RASA2: variants seen among roughly 807,000 people sequenced by gnomAD.
RASA2 encodes the protein ras GTPase-activating protein 2.
In RASA2, 155 loss-of-function variants were observed where a neutral mutation model predicts 118.2. That is an observed-to-expected ratio of 1.31 (90% CI 1.15 to 1.50). The LOEUF is 1.50. Ranked by LOEUF, RASA2 falls within the 40% of genes most tolerant of loss-of-function variation. RASA2 has a pLI of 0.00. For synonymous variants in RASA2, 353 were observed against 349.1 expected (o/e 1.01, Z -0.12); for missense variants, 1,016 against 1,009.6 (o/e 1.01, Z -0.09).
chr3:141,570,468 C>T (rs1305724308), intron 9 of RASA2, among the ~76,000 whole-genome samples: 1 of 152,122 alleles, frequency 6.6e-6, no homozygotes, highest in Non-Finnish European at 1.5e-5. Context: ...GATCTGCCTG[C>T]GTCAGCCTCC....
chr3:141,574,948 A>G (rs1019363841), intron 14 of RASA2, among the ~76,000 whole-genome samples: 1 of 152,224 alleles, frequency 6.6e-6, no homozygotes, highest in South Asian at 2.1e-4. Context: ...TTGAAAAAGT[A>G]GCTATGTCAA....
chr3:141,495,407 TAAAAAC>T (rs1404110758), intron 1 of RASA2, among the ~76,000 whole-genome samples: 1 of 152,042 alleles, frequency 6.6e-6, no homozygotes, highest in Non-Finnish European at 1.5e-5. Flanking sequence ...CATACAGACT[TAAAAAC>T]AAGAGGCCAT....
intron 1 of RASA2, among the ~76,000 whole-genome samples, chr3:141,494,265 T>A (rs1036380236): frequency 3.3e-5 from 5 of 152,284 alleles, no homozygotes; most frequent in Admixed American, 1.3e-4. Flanking sequence ...TATAGCAATT[T>A]AAGCTCTCAC....
At chr3:141,515,881 A>T (rs2082015871) in intron 2 of RASA2, among the ~76,000 whole-genome samples, 1 of 148,376 alleles carries the variant, frequency 6.7e-6, no homozygotes, top group South Asian at 2.2e-4. Context: ...GCCTGGCAAC[A>T]GAGCAAGACT....
intron 9 of RASA2, among the ~76,000 whole-genome samples, chr3:141,564,487 A>T (rs1560035749): frequency 6.6e-6 from 1 of 152,144 alleles, no homozygotes; most frequent in Non-Finnish European, 1.5e-5. Context: ...ATAAAAAAGG[A>T]TTCCAAAGAG....
Position 141,588,845 on chromosome 3 carries a change from T to A in RASA2, c.1933+2093T>A, listed in dbSNP as rs533902998. Among the ~76,000 whole-genome samples, 838 of 151,210 alleles carry A rather than the reference T, an allele frequency of 5.5e-3. 9 individuals are homozygous for A. Among genetic ancestry groups the A allele is most frequent in the African/African-American group, 0.02 (794 of 40,572 alleles). On this transcript the variant is annotated intron_variant, in intron 19 of 23. Coordinates refer to ENST00000286364, the MANE Select transcript of RASA2 (RefSeq NM_006506.5). ...TGCCCTTCCAGATAGCTTTTTATTT[T>A]TATTTTTTTTTTTTGAGATGGATTC...
At chr3:141,512,063 C>A in intron 1 of RASA2, 100 bp from the exon 2 acceptor site, 2 of 721,100 alleles carry the variant, frequency 2.8e-6, no homozygotes, top group Non-Finnish European at 4.5e-6. Flanking sequence ...TTTTTCTGTG[C>A]CACATTAATA....
intron 11 of RASA2, among the ~76,000 whole-genome samples, chr3:141,572,215 C>T (rs1171780901): frequency 6.6e-6 from 1 of 151,854 alleles, no homozygotes; most frequent in African/African-American, 2.4e-5. Flanking sequence ...CCTCAGCCTC[C>T]TGAGTAGCTG....
At chr3:141,608,933 G>A (rs953805238) in intron 21 of RASA2, among the ~76,000 whole-genome samples, 7 of 152,158 alleles carry the variant, frequency 4.6e-5, no homozygotes, top group Admixed American at 2.0e-4. Context: ...GTAGATTAGT[G>A]GTTACAAGGG....
intron 4 of RASA2, among the ~76,000 whole-genome samples, chr3:141,536,921 A>T (rs2082335677): frequency 6.6e-6 from 1 of 151,796 alleles, no homozygotes; most frequent in East Asian, 1.9e-4. Context: ...CTAATTTTGT[A>T]TTTTTAGTAG....
chr3:141,492,819 GTTAA>G (rs1279405012), intron 1 of RASA2, among the ~76,000 whole-genome samples: 1 of 152,154 alleles, frequency 6.6e-6, no homozygotes, highest in Non-Finnish European at 1.5e-5. Flanking sequence ...TTCTGTGACT[GTTAA>G]TTAATTCAGC....
intron 4 of RASA2, among the ~76,000 whole-genome samples, chr3:141,538,212 A>G (rs2082356705): frequency 6.6e-6 from 1 of 152,214 alleles, no homozygotes; most frequent in Admixed American, 6.5e-5. Context: ...AAGAGACTAA[A>G]AAGTATTCTA....
At chr3:141,560,307 G>A (rs370191658) in intron 9 of RASA2, among the ~76,000 whole-genome samples, 33 of 152,226 alleles carry the variant, frequency 2.2e-4, no homozygotes, top group African/African-American at 7.7e-4. Flanking sequence ...GTAAGAAAAC[G>A]CTTGGTCACA....
At chr3:141,523,272 C>T (rs1425407115) in intron 3 of RASA2, among the ~76,000 whole-genome samples, 1 of 151,998 alleles carries the variant, frequency 6.6e-6, no homozygotes, top group South Asian at 2.1e-4. Flanking sequence ...ATTACAAATA[C>T]CCACCCCCAC....
intron 4 of RASA2, among the ~76,000 whole-genome samples, chr3:141,534,867 G>T (rs1208237258): frequency 3.3e-5 from 5 of 151,850 alleles, no homozygotes; most frequent in African/African-American, 4.8e-5. Context: ...TAATATAAGA[G>T]ATATTAAATA....
Position 141,577,095 on chromosome 3 carries a change from C to G in RASA2, c.1579C>G (p.Pro527Ala). The G allele has an allele frequency of 2.5e-6, 4 of 1,589,430 alleles. No homozygotes were observed. Among genetic ancestry groups the G allele is most frequent in the South Asian group, 1.1e-5 (1 of 89,440 alleles). ...ATCACCTCATACTTTTCATTTGCGA[C>G]CTCATCATCCAGTAAGTGTTCATTC... ...VVSPHTFHLR[P>A]HHPDAQTIRT... The change falls in exon 15 of 24, where the codon CCT becomes GCT. Residue 527 changes from proline (P) to alanine (A), a missense_variant. By Grantham distance (27) the Pro-to-Ala change is conservative. Around this residue, in one of 2 missense-constraint regions of RASA2, gnomAD observed 896 missense variants for 836.4 expected, o/e 1.07. Coordinates refer to ENST00000286364, the MANE Select transcript of RASA2 (RefSeq NM_006506.5).
At position 141,509,520 on chromosome 3, in the gene RASA2, T is replaced by C. The variant is rs2081918548; in HGVS notation, c.134-2643T>C. Among the ~76,000 whole-genome samples the C allele has an allele frequency of 2.6e-5, 4 of 152,354 alleles. No homozygotes were observed. The South Asian group carries it at 8.3e-4, about 32-fold the overall frequency. ...GCATATTTATTATGGAGCATATTTA[T>C]TAAGTAGAAAATTATTATGGTCTAA... is the stretch of plus-strand genomic sequence containing the variant. On this transcript the variant is annotated intron_variant, in intron 1 of 23. Transcript: ENST00000286364.
chr3:141,556,194 A>T (rs1164490520), intron 7 of RASA2, among the ~76,000 whole-genome samples: 1 of 152,116 alleles, frequency 6.6e-6, no homozygotes, highest in African/African-American at 2.4e-5. Flanking sequence ...CCCTTACCCT[A>T]CCCAGCTCCC....
chr3:141,522,432 C>T (rs539107112), intron 3 of RASA2, among the ~76,000 whole-genome samples: 44 of 152,216 alleles, frequency 2.9e-4, no homozygotes, highest in Admixed American at 1.0e-3. Context: ...GGGCCCACAT[C>T]GGCTCCTGAA....
Sources: allele counts gnomAD v4.1 joint callset (sites outside exome capture counted in the v4.1 genomes callset), GRCh38; gene constraint gnomAD v4.1.1; regional missense constraint gnomAD v4.1.1; transcripts MANE v1.5; gene names NCBI Gene and HGNC (gene_info 2026-07-23, HGNC 2026-07-21).